The following SFMBT2 variants were observed in gnomAD, a reference collection of about 807,000 sequenced individuals.
The protein encoded by SFMBT2 is Scm like with four mbt domains 2, also known as scm-like with four MBT domains protein 2.
In SFMBT2, 38 loss-of-function variants were observed where a neutral mutation model predicts 110.1. The ratio of observed to expected loss-of-function variants is 0.35; its 90% CI spans 0.27 to 0.45. The LOEUF is 0.45. SFMBT2 is among the 20% of genes least tolerant of loss of function. The pLI is 1.00. For missense variants in SFMBT2, 1,011 were observed against 1,094.9 expected (o/e 0.92, Z 1.08); for synonymous variants, 425 against 425.4 (o/e 1.00, Z 0.01).
chr10:7,172,758 T>C lies in SFMBT2; in HGVS notation c.1985-97A>G, dbSNP rs1040702994. Reference sequence around the variant, plus strand: ...AAAGAAGGGAAACGATTCTTTCATCTGATAGTTCATTTGTGCCTTACGAAG... The same window carrying C: ...AAAGAAGGGAAACGATTCTTTCATCCGATAGTTCATTTGTGCCTTACGAAG... On this transcript the variant is annotated intron_variant, in intron 17 of 20. Transcript: ENST00000397167. The surrounding 1 kb of genome is among the most constrained non-coding windows in gnomAD (Gnocchi z 4.6). 2 of 1,385,910 alleles carry C rather than the reference T, an allele frequency of 1.4e-6. No individual in the cohort carries two copies. Among genetic ancestry groups the C allele is most frequent in the Non-Finnish European group, 2.0e-6 (2 of 1,023,452 alleles). The allele number at this position is 1,385,910 out of a possible 1,614,324, so 85.9% of individuals were successfully genotyped here. A position where few individuals can be genotyped will look rare whatever the true frequency, so the allele number is the denominator to read the frequency against.
intron 1 of SFMBT2, among the ~76,000 whole-genome samples, chr10:7,393,160 A>G (rs150884463): frequency 0.063 from 9,547 of 151,258 alleles, 348 homozygotes; most frequent in African/African-American, 0.094. Flanking sequence ...CCTCCCGAGT[A>G]GCTGGGATTA....
chr10:7,180,385 C>T (rs970882871), intron 16 of SFMBT2, among the ~76,000 whole-genome samples: 7 of 151,870 alleles, frequency 4.6e-5, no homozygotes, highest in Admixed American at 1.3e-4. Context: ...GTGATCTGCC[C>T]GCCTTGGCCT....
At chr10:7,222,505 C>T (rs1485114395) in intron 10 of SFMBT2, among the ~76,000 whole-genome samples, 1 of 152,106 alleles carries the variant, frequency 6.6e-6, no homozygotes, top group African/African-American at 2.4e-5. Flanking sequence ...TTGTCTTCTC[C>T]CTGTGTCCTC....
chr10:7,288,802 G>A (rs1369759716), intron 4 of SFMBT2, among the ~76,000 whole-genome samples: 4 of 151,958 alleles, frequency 2.6e-5, no homozygotes, highest in Non-Finnish European at 5.9e-5. Context: ...AGGCCAAGGC[G>A]GGTGGATCAC....
At chr10:7,261,177 G>A (rs1378079646) in intron 7 of SFMBT2, among the ~76,000 whole-genome samples, 1 of 152,184 alleles carries the variant, frequency 6.6e-6, no homozygotes, top group African/African-American at 2.4e-5. Context: ...GCCCGTGGGT[G>A]CGAATCACTA....
In SFMBT2 at chr10:7,265,184, C is replaced by T. The variant is rs147254879; in HGVS notation, c.870+11708G>A. ...CCTCCCTCCTTCCCTCCCTCCCCTG[C>T]CTCCCTCTCTTCCTCCCTCCCTTCC... On this transcript the variant is annotated intron_variant, in intron 7 of 20. Transcript: ENST00000397167. Among the ~76,000 whole-genome samples, 1,433 of 147,074 alleles carry T rather than the reference C, an allele frequency of 9.7e-3. 26 individuals are homozygous for T. The highest frequency in any genetic ancestry group is 0.033 in the African/African-American group (1,328 of 39,758).
chr10:7,276,279 A>G (rs1225847741), intron 7 of SFMBT2, among the ~76,000 whole-genome samples: 1 of 152,162 alleles, frequency 6.6e-6, no homozygotes, highest in Non-Finnish European at 1.5e-5. Context: ...TTTTTACTAA[A>G]TGTCAAAATT....
At chr10:7,345,372 G>T (rs1046865513) in intron 4 of SFMBT2, among the ~76,000 whole-genome samples, 1 of 152,144 alleles carries the variant, frequency 6.6e-6, no homozygotes, top group Non-Finnish European at 1.5e-5. Flanking sequence ...TTTACTTGTT[G>T]TTTTGAGACA....
intron 1 of SFMBT2, among the ~76,000 whole-genome samples, chr10:7,385,653 G>C (rs1488891639): frequency 1.3e-5 from 2 of 152,162 alleles, no homozygotes; most frequent in African/African-American, 4.8e-5. Flanking sequence ...GCACGGAAAG[G>C]GCACAGGGAG....
At chr10:7,385,851 T>A (rs899464156) in intron 1 of SFMBT2, among the ~76,000 whole-genome samples, 1 of 152,024 alleles carries the variant, frequency 6.6e-6, no homozygotes, top group Non-Finnish European at 1.5e-5. Context: ...TACAAAAAAA[T>A]TAGCCAGGCG....
chr10:7,378,090 T>C, intron 2 of SFMBT2, among the ~76,000 whole-genome samples: 1 of 146,144 alleles, frequency 6.8e-6, no homozygotes, highest in Non-Finnish European at 1.5e-5. Context: ...TGTGGATGGG[T>C]GTGTGTGAGT....
chr10:7,183,877 G>GACCC (rs1838318049), intron 16 of SFMBT2, among the ~76,000 whole-genome samples: 2 of 152,278 alleles, frequency 1.3e-5, no homozygotes, highest in East Asian at 3.9e-4. Flanking sequence ...CCAAACGACT[G>GACCC]ACCCACCCTC....
At chr10:7,349,452 T>TTTC (rs1490167786) in intron 4 of SFMBT2, among the ~76,000 whole-genome samples, 26 of 126,610 alleles carry the variant, frequency 2.1e-4, no homozygotes, top group Middle Eastern at 3.7e-3. Context: ...TTTTTTTTTT[T>TTTC]TTTTTTTTTT....
In SFMBT2 at chr10:7,319,175, G is replaced by A. The variant is rs372239730; in HGVS notation, c.437-33221C>T. Among the ~76,000 whole-genome samples, 4 of 152,162 alleles carry A rather than the reference G, an allele frequency of 2.6e-5. No homozygotes were observed. The South Asian group carries it at 6.2e-4, about 24-fold the overall frequency. Reference sequence around the variant, plus strand: ...AGCAGTCAACATGCAAACAAAAAACGTAAGTCCGCTGGCAAGGAAGTCACT... The same window carrying A: ...AGCAGTCAACATGCAAACAAAAAACATAAGTCCGCTGGCAAGGAAGTCACT... On this transcript the variant is annotated intron_variant, in intron 4 of 20. Transcript: ENST00000397167.
At chr10:7,290,347 T>A (rs1163860780) in intron 4 of SFMBT2, among the ~76,000 whole-genome samples, 6 of 152,094 alleles carry the variant, frequency 3.9e-5, no homozygotes, top group Non-Finnish European at 8.8e-5. Flanking sequence ...TATATAAGCA[T>A]TCCACTACAC....
At chr10:7,261,371 A>G (rs939060711) in intron 7 of SFMBT2, among the ~76,000 whole-genome samples, 1 of 152,026 alleles carries the variant, frequency 6.6e-6, no homozygotes, top group African/African-American at 2.4e-5. Context: ...ACAGAAAGCC[A>G]GGGTTTGTAA....
chr10:7,388,943 T>C (rs565761330), intron 1 of SFMBT2, among the ~76,000 whole-genome samples: 39 of 152,170 alleles, frequency 2.6e-4, no homozygotes, highest in African/African-American at 8.7e-4. Context: ...ACTAAAAACA[T>C]GGAAGTGCAG....
chr10:7,207,125 C>T (rs576046095), intron 11 of SFMBT2, among the ~76,000 whole-genome samples: 3 of 152,138 alleles, frequency 2.0e-5, no homozygotes, highest in Admixed American at 1.3e-4. Flanking sequence ...CTCAGGAGGC[C>T]GAGGCAGGAG....
At chr10:7,308,335 G>C (rs1842753656) in intron 4 of SFMBT2, among the ~76,000 whole-genome samples, 1 of 152,076 alleles carries the variant, frequency 6.6e-6, no homozygotes, top group Admixed American at 6.6e-5. Flanking sequence ...ACTCTCCAGA[G>C]CGATGGAGAG....
Sources: allele counts gnomAD v4.1 joint callset (sites outside exome capture counted in the v4.1 genomes callset), GRCh38; gene constraint gnomAD v4.1.1; non-coding constraint Gnocchi (gnomAD v3.1); transcripts MANE v1.5; gene names NCBI Gene and HGNC (gene_info 2026-07-23, HGNC 2026-07-21).